The following TENM3 variants were observed in gnomAD, a reference collection of about 807,000 sequenced individuals.
TENM3 encodes the protein teneurin-3.
Under a neutral mutation model 255.1 loss-of-function variants are expected in TENM3, and 63 were observed. The observed-to-expected ratio is 0.25, with a 90% CI of 0.20 to 0.30. The LOEUF (loss-of-function observed/expected upper bound fraction) is 0.30, where lower values mean the gene tolerates loss of function less well. Among genes scored for constraint, TENM3 ranks in the 10% least tolerant of loss-of-function variants. The pLI is 1.00. For missense variants in TENM3, 2,929 were observed against 3,461.1 expected (o/e 0.85, Z 3.86); for synonymous variants, 1,306 against 1,322.3 (o/e 0.99, Z 0.27).
the TENM3 span, among the ~76,000 whole-genome samples, chr4:181,804,838 CTG>C: frequency 2.0e-5 from 3 of 152,092 alleles, no homozygotes; most frequent in Non-Finnish European, 2.9e-5. Flanking sequence ...TGCCAGAAAC[CTG>C]TCTTTCTGGA....
chr4:182,532,434 C>T (rs1739867082), intron 3 of TENM3, among the ~76,000 whole-genome samples: 1 of 152,124 alleles, frequency 6.6e-6, no homozygotes, highest in Non-Finnish European at 1.5e-5. Context: ...TTAGACATGC[C>T]ATTACTTTTC....
At chr4:182,378,471 T>A (rs185776438) in intron 3 of TENM3, among the ~76,000 whole-genome samples, 118 of 152,194 alleles carry the variant, frequency 7.8e-4, no homozygotes, top group Non-Finnish European at 1.3e-3. Flanking sequence ...GCCAGGGAAG[T>A]CATCTCTGAA....
chr4:181,879,591 T>C, the TENM3 span, among the ~76,000 whole-genome samples: 4 of 152,284 alleles, frequency 2.6e-5, no homozygotes, highest in South Asian at 8.3e-4. Context: ...TACAGTAACA[T>C]TTAAATTTGA....
At chr4:182,119,873 A>G in the TENM3 span, among the ~76,000 whole-genome samples, 19 of 152,018 alleles carry the variant, frequency 1.2e-4, no homozygotes, top group African/African-American at 4.6e-4. Context: ...GGCTAATTTT[A>G]TAATTTTTTG....
the TENM3 span, among the ~76,000 whole-genome samples, chr4:181,798,720 G>T: frequency 6.6e-6 from 1 of 152,030 alleles, no homozygotes; most frequent in Non-Finnish European, 1.5e-5. Flanking sequence ...ATAGATTTGG[G>T]TTAGTATATA....
At chr4:182,208,403 C>T (rs914287317) in intron 1 of TENM3, among the ~76,000 whole-genome samples, 2 of 152,080 alleles carry the variant, frequency 1.3e-5, no homozygotes, top group South Asian at 2.1e-4. Context: ...AAACAATTTC[C>T]GTAAAGGGAC....
At chr4:181,857,102 T>C in the TENM3 span, among the ~76,000 whole-genome samples, 1 of 152,120 alleles carries the variant, frequency 6.6e-6, no homozygotes, top group Non-Finnish European at 1.5e-5. Flanking sequence ...ACTTAATAAC[T>C]GAGATTATTT....
chr4:182,492,789 G>T (rs1735425837), intron 3 of TENM3, among the ~76,000 whole-genome samples: 1 of 152,182 alleles, frequency 6.6e-6, no homozygotes. Flanking sequence ...ACAGCATCAA[G>T]ATATCATTGT....
At chr4:182,239,398 C>G (rs1341938046), upstream of TENM3, among the ~76,000 whole-genome samples, 2 of 152,012 alleles carry the variant, frequency 1.3e-5, no homozygotes, top group Non-Finnish European at 2.9e-5. Flanking sequence ...GCTTATAGTC[C>G]CTTACAATAT....
chr4:181,986,658 C>G, the TENM3 span, among the ~76,000 whole-genome samples: 16 of 152,062 alleles, frequency 1.1e-4, no homozygotes, highest in African/African-American at 3.6e-4. Context: ...CTCTTCTTAA[C>G]AGCCCACTCT....
intron 3 of TENM3, among the ~76,000 whole-genome samples, chr4:182,453,068 A>G (rs951891564): frequency 2.2e-4 from 33 of 152,096 alleles, no homozygotes; most frequent in Non-Finnish European, 2.1e-4. Context: ...CAGGTTTGAA[A>G]GGATGGTATT....
At chr4:181,586,225 T>A in the TENM3 span, among the ~76,000 whole-genome samples, 1 of 152,182 alleles carries the variant, frequency 6.6e-6, no homozygotes, top group African/African-American at 2.4e-5. Context: ...ATGTCTATGG[T>A]ATGTGTCGGT....
At chr4:181,818,157 T>C in the TENM3 span, among the ~76,000 whole-genome samples, 1 of 152,230 alleles carries the variant, frequency 6.6e-6, no homozygotes, top group African/African-American at 2.4e-5. Flanking sequence ...CCTTCAGACA[T>C]GAGTTGCGAT....
At chr4:182,449,237 C>CCGCTCCGGAGCTGGTGGCTCCGCCT (rs758941265) in intron 3 of TENM3, among the ~76,000 whole-genome samples, 1 of 149,490 alleles carries the variant, frequency 6.7e-6, no homozygotes, top group Admixed American at 6.6e-5. Context: ...CGGCTCCGCT[C>CCGCTCCGGAGCTGGTGGCTCCGCCT]TTCTCCCTTG....
chr4:181,491,440 T>C, the TENM3 span, among the ~76,000 whole-genome samples: 2 of 152,020 alleles, frequency 1.3e-5, no homozygotes, highest in South Asian at 2.1e-4. Flanking sequence ...TTTCTCATTT[T>C]CTCTGCTTCT....
intron 26 of TENM3, among the ~76,000 whole-genome samples, chr4:182,794,325 A>G (rs530328966): frequency 9.2e-5 from 14 of 152,336 alleles, no homozygotes; most frequent in African/African-American, 3.1e-4. Flanking sequence ...CAAATATAAT[A>G]CATGAAATTC....
chr4:181,940,602 A>T, the TENM3 span, among the ~76,000 whole-genome samples: 1 of 152,242 alleles, frequency 6.6e-6, no homozygotes, highest in Non-Finnish European at 1.5e-5. Context: ...ATGGCAGGAT[A>T]TGGTGATAAG....
In TENM3 at chr4:182,517,532, C is replaced by T. The variant is rs575247760; in HGVS notation, c.512-83392C>T. ...CCGAGTAGCTGGGACTACAGGCGCCCGCTACCACGCCCGGCTAATTTTTTG... is the reference window on the plus strand; with the variant it reads ...CCGAGTAGCTGGGACTACAGGCGCCTGCTACCACGCCCGGCTAATTTTTTG... On this transcript the variant is annotated intron_variant, in intron 3 of 27. Coordinates refer to ENST00000511685, the MANE Select transcript of TENM3 (RefSeq NM_001080477.4). Among the ~76,000 whole-genome samples, 31 of 146,638 alleles carry T rather than the reference C, an allele frequency of 2.1e-4. 3 individuals are homozygous for T. The highest frequency in any genetic ancestry group is 5.0e-4 in the African/African-American group (20 of 39,640).
the TENM3 span, among the ~76,000 whole-genome samples, chr4:181,746,547 T>C: frequency 6.6e-6 from 1 of 152,072 alleles, no homozygotes; most frequent in Non-Finnish European, 1.5e-5. Context: ...TGGGTAGTAA[T>C]AAGGAAAAAA....
Sources: allele counts gnomAD v4.1 joint callset (sites outside exome capture counted in the v4.1 genomes callset), GRCh38; gene constraint gnomAD v4.1.1; transcripts MANE v1.5; gene names NCBI Gene and HGNC (gene_info 2026-07-23, HGNC 2026-07-21).